The following SLC25A18 variants were observed in gnomAD, a reference collection of about 807,000 sequenced individuals.
The protein encoded by SLC25A18 is solute carrier family 25 member 18.
A neutral mutation model predicts 31.1 loss-of-function variants in SLC25A18; 24 were observed. The observed-to-expected ratio is 0.77, with a 90% CI of 0.56 to 1.08. The LOEUF (loss-of-function observed/expected upper bound fraction) is 1.08, where lower values mean the gene tolerates loss of function less well. Among genes scored for constraint, SLC25A18 ranks in the 50% least tolerant of loss-of-function variants. SLC25A18 has a pLI of 0.00. For missense variants in SLC25A18, 371 were observed against 418.5 expected (o/e 0.89, Z 0.99); for synonymous variants, 173 against 161.9 (o/e 1.07, Z -0.52).
chr22:17,570,294 G>A (rs2057051998), intron 2 of SLC25A18: 1 of 152,382 alleles, frequency 6.6e-6, no homozygotes, highest in African/African-American at 2.4e-5. Context: ...AGAGGAAGTA[G>A]GCGGGGACGT....
chr22:17,569,591 C>T (rs1303557012), intron 1 of SLC25A18: 6 of 985,050 alleles, frequency 6.1e-6, no homozygotes, highest in Non-Finnish European at 7.2e-6. Flanking sequence ...TGTCCTCCTC[C>T]CTGGCTTCCA....
chr22:17,571,668 C>G (rs1018175418), intron 2 of SLC25A18, among the ~76,000 whole-genome samples: 1 of 150,510 alleles, frequency 6.6e-6, no homozygotes, highest in Non-Finnish European at 1.5e-5. Context: ...TGAGGCAGAA[C>G]TGTTTGAACC....
intron 2 of SLC25A18, among the ~76,000 whole-genome samples, chr22:17,575,519 A>T (rs2057209759): frequency 6.6e-6 from 1 of 152,110 alleles, no homozygotes; most frequent in Non-Finnish European, 1.5e-5. Context: ...CCCAAGTTTT[A>T]TCTGTTACAG....
At chr22:17,569,382 C>T (rs181539954) in intron 1 of SLC25A18, among the ~76,000 whole-genome samples, 192 of 152,290 alleles carry the variant, frequency 1.3e-3, no homozygotes, top group African/African-American at 4.3e-3. Context: ...AGCCCTCCTG[C>T]AGCTGAGCAC....
chr22:17,581,225 C>G (rs2057364330), intron 4 of SLC25A18, 66 bp downstream of exon 4: 1 of 1,568,724 alleles, frequency 6.4e-7, no homozygotes, highest in Non-Finnish European at 8.7e-7. Flanking sequence ...CCCCTTCCCT[C>G]CAGTCTCCAG....
chr22:17,581,479 G>A, intron 5 of SLC25A18, 66 bp downstream of exon 5: 1 of 1,568,710 alleles, frequency 6.4e-7, no homozygotes. Context: ...TGGGGAACTG[G>A]TGTTCCTTCC....
chr22:17,568,555 CTTTTT>C (rs695361), intron 1 of SLC25A18, among the ~76,000 whole-genome samples: 21 of 62,528 alleles, frequency 3.4e-4, no homozygotes, highest in African/African-American at 5.6e-4. Context: ...TAAAGTACAT[CTTTTT>C]TTTTTTTTTT....
At chr22:17,571,492 G>T (rs1192604409) in intron 2 of SLC25A18, among the ~76,000 whole-genome samples, 1 of 152,192 alleles carries the variant, frequency 6.6e-6, no homozygotes, top group African/African-American at 2.4e-5. Flanking sequence ...CACTTCTCCA[G>T]CCGGGGCGCA....
intron 5 of SLC25A18, 111 bp downstream of exon 5, chr22:17,581,524 G>T: frequency 8.1e-7 from 1 of 1,239,404 alleles, no homozygotes; most frequent in Non-Finnish European, 1.2e-6. Context: ...CTGCCAGGGG[G>T]TCCTTCCTGA....
At chr22:17,583,375 T>G in intron 6 of SLC25A18, 41 bp from the exon 7 acceptor site, 2 of 1,611,994 alleles carry the variant, frequency 1.2e-6, no homozygotes, top group African/African-American at 2.7e-5. Flanking sequence ...AGGGCAGGCC[T>G]GTGGCCTGCG....
chr22:17,569,576 G>C, intron 1 of SLC25A18: 3 of 980,032 alleles, frequency 3.1e-6, no homozygotes, highest in Non-Finnish European at 3.6e-6. Flanking sequence ...TTGATTTTCA[G>C]TGTTTGTCCT....
At chr22:17,588,820 C>T (rs988819966) in intron 9 of SLC25A18, 1 of 151,946 alleles carries the variant, frequency 6.6e-6, no homozygotes, top group African/African-American at 2.4e-5. Context: ...CCTGTAATCC[C>T]GAAACTTTGG....
intron 10 of SLC25A18, 98 bp from the exon 11 acceptor site, chr22:17,589,997 A>T: frequency 6.6e-7 from 1 of 1,508,856 alleles, no homozygotes. Flanking sequence ...GGAAGGCACT[A>T]TTCTAAAATG....
chr22:17,567,988 G>GT (rs557043161), intron 1 of SLC25A18, among the ~76,000 whole-genome samples: 197 of 152,032 alleles, frequency 1.3e-3, no homozygotes, highest in African/African-American at 4.5e-3. Context: ...TTGCTGTCTG[G>GT]TTTTTTTGGC....
rs2056864079 is a variant in SLC25A18 at position 17,563,713 on chromosome 22, A to G, written c.-264A>G. Reference sequence around the variant, plus strand: ...TCGACTCGCTTGCAGGCAAGTTGTCAGTAAGTATTTATTAAATACCCACCG... The same window carrying G: ...TCGACTCGCTTGCAGGCAAGTTGTCGGTAAGTATTTATTAAATACCCACCG... On this transcript the variant is annotated splice_region_variant and 5_prime_UTR_variant, in exon 1 of 11. Transcript: ENST00000327451. 1.0e-6 allele frequency: 1 copy of G among 985,380 alleles called. No homozygotes were observed. Among genetic ancestry groups the G allele is most frequent in the South Asian group, 4.7e-5 (1 of 21,276 alleles). The allele number at this position is 985,380 out of a possible 1,614,324, so 61.0% of individuals were successfully genotyped here. A position where few individuals can be genotyped will look rare whatever the true frequency, so the allele number is the denominator to read the frequency against.
chr22:17,566,543 G>A (rs2146201159), intron 1 of SLC25A18, among the ~76,000 whole-genome samples: 1 of 152,192 alleles, frequency 6.6e-6, no homozygotes, highest in Admixed American at 6.5e-5. Context: ...CTTCCAAATA[G>A]CTGGGATTAC....
intron 3 of SLC25A18, chr22:17,580,624 G>A: frequency 4.0e-6 from 4 of 999,484 alleles, no homozygotes; most frequent in Non-Finnish European, 4.8e-6. Context: ...GGCCCAGAGA[G>A]GAGAGGTCAC....
At chr22:17,584,522 G>A (rs1353051088) in intron 7 of SLC25A18, among the ~76,000 whole-genome samples, 2 of 151,708 alleles carry the variant, frequency 1.3e-5, no homozygotes, top group South Asian at 2.1e-4. Context: ...GCTCACGCCT[G>A]TAATCCCAGC....
chr22:17,570,086 C>A, intron 2 of SLC25A18, 100 bp downstream of exon 2: 1 of 795,188 alleles, frequency 1.3e-6, no homozygotes, highest in Non-Finnish European at 1.5e-6. Flanking sequence ...GCCAGTGGGA[C>A]AGGGACACTC....
Sources: allele counts gnomAD v4.1 joint callset (sites outside exome capture counted in the v4.1 genomes callset), GRCh38; gene constraint gnomAD v4.1.1; transcripts MANE v1.5; gene names NCBI Gene and HGNC (gene_info 2026-07-23, HGNC 2026-07-21).